The following RPL41 variants were observed in gnomAD, a reference collection of about 807,000 sequenced individuals.
RPL41 encodes the protein ribosomal protein L41.
Under a neutral mutation model 7.3 loss-of-function variants are expected in RPL41, and 3 were observed. The observed-to-expected ratio is 0.41, with a 90% CI of 0.19 to 1.06. The LOEUF (loss-of-function observed/expected upper bound fraction) is 1.06. RPL41 is among the 50% of genes least tolerant of loss of function. RPL41 has a pLI of 0.32. For synonymous variants in RPL41, 9 were observed against 7.4 expected, an observed-to-expected ratio of 1.21 and a Z score of -0.34; for missense variants, 13 against 30.4, an observed-to-expected ratio of 0.43 and a Z score of 1.35.
Position 56,117,467 on chromosome 12 carries a change from G to T in RPL41, c.36-15G>T. The stretch of plus-strand genomic sequence containing the variant: ...CTGGTTTGAGGTGTATTCCATTCCT[G>T]TGTCTGCTTTTCAGGCTGAAGCGCA... On this transcript the variant is annotated splice_polypyrimidine_tract_variant and intron_variant, in intron 2 of 2. Coordinates refer to ENST00000546591, the MANE Select transcript of RPL41 (RefSeq NM_001035267.2). 6.4e-7 allele frequency: 1 copy of T among 1,553,308 alleles called. No homozygotes were observed.
At chr12:56,117,138 CTT>C (rs535158816) in intron 1 of RPL41, 49 bp from the exon 2 acceptor site, 33,097 of 1,349,710 alleles carry the variant, frequency 0.025, no homozygotes, top group Non-Finnish European at 0.026. Flanking sequence ...AGCTTCATCC[CTT>C]TTTTTTTTTT....
intron 2 of RPL41, 24 bp downstream of exon 2, chr12:56,117,235 A>C (rs1398040312): frequency 1.9e-6 from 3 of 1,593,634 alleles, no homozygotes; most frequent in Non-Finnish European, 2.6e-6. Context: ...TTGCCAGCCC[A>C]GGAGGAGGGA....
At position 56,117,804 on chromosome 12, in the gene RPL41, T is replaced by A; in HGVS notation, c.*280T>A. On this transcript the variant is annotated 3_prime_UTR_variant, in exon 3 of 3. Coordinates refer to ENST00000546591, the MANE Select transcript of RPL41 (RefSeq NM_001035267.2). ...AACAACCATATAATAAATCACCTCT[T>A]CCGCTGTTTTAGCTGAAGAATTAAA... The A allele has an allele frequency of 2.2e-6, 1 of 456,454 alleles. No homozygotes were observed. Among genetic ancestry groups the A allele is most frequent in the East Asian group, 4.4e-5 (1 of 22,710 alleles). 28.3% of individuals were successfully genotyped at this position (456,454 alleles called of 1,614,324 possible).
At position 56,116,637 on chromosome 12, in the gene RPL41, C is replaced by A. The variant is rs903002806; in HGVS notation, c.-151C>A. The A allele has an allele frequency of 1.1e-4, 98 of 922,130 alleles. 1 individual carries two copies. In the African/African-American group the frequency reaches 1.5e-3, roughly 14 times the overall value. 57.1% of individuals were successfully genotyped at this position (922,130 alleles called of 1,614,324 possible). On this transcript the variant is annotated 5_prime_UTR_variant, in exon 1 of 3. Transcript: ENST00000546591. ...CGTAGACGGAACTTCGCCTTTCTCT[C>A]GGCCTTAGCGCCATTTTTTTGGGTG...
intron 1 of RPL41, 48 bp from the exon 2 acceptor site, chr12:56,117,138 CTTT>C (rs535158816): frequency 1.3e-3 from 1,812 of 1,410,424 alleles, no homozygotes; most frequent in Admixed American, 1.9e-3. Context: ...AGCTTCATCC[CTTT>C]TTTTTTTTTT....
intron 1 of RPL41, 31 bp from the exon 2 acceptor site, chr12:56,117,158 T>TA (rs765018791): frequency 1.4e-5 from 21 of 1,532,916 alleles, no homozygotes; most frequent in South Asian, 1.3e-4. Context: ...TTTTTTTTTT[T>TA]AATTATCTGC....
chr12:56,117,950 T>C lies in RPL41; in HGVS notation c.*426T>C, dbSNP rs1290866576. The C allele has an allele frequency of 3.5e-6, 1 of 286,414 alleles. No homozygotes were observed. 17.7% of individuals were successfully genotyped at this position (286,414 alleles called of 1,614,324 possible). ...AAGCTATAAAGGCAACAGCCCGGGT[T>C]ACGTGGTGTGGTTTGCATCTCGCTG... On this transcript the variant is annotated 3_prime_UTR_variant, in exon 3 of 3. Transcript: ENST00000546591.
In RPL41 at chr12:56,117,532, G is replaced by C. The variant is rs1458424195; in HGVS notation, c.*8G>C. ...AGGCAGAGGTCCAAGTAAACCGCTAGCTTGTTGCACCGTGGAGGCCACAGG... is the reference window on the plus strand; with the variant it reads ...AGGCAGAGGTCCAAGTAAACCGCTACCTTGTTGCACCGTGGAGGCCACAGG... On this transcript the variant is annotated 3_prime_UTR_variant, in exon 3 of 3. Coordinates refer to ENST00000546591, the MANE Select transcript of RPL41 (RefSeq NM_001035267.2). 6.4e-7 allele frequency: 1 copy of C among 1,550,608 alleles called. No homozygotes were observed. Among genetic ancestry groups the C allele is most frequent in the South Asian group, 1.2e-5 (1 of 84,008 alleles).
At chr12:56,117,060 T>C in intron 1 of RPL41, 129 bp from the exon 2 acceptor site, 1 of 1,340,384 alleles carries the variant, frequency 7.5e-7, no homozygotes. Context: ...CAATCTTTCA[T>C]ACTTCTTGGT....
Position 56,117,266 on chromosome 12 carries a change from G to C in RPL41, c.35+55G>C, listed in dbSNP as rs139239711. ...AGGGAAGTTCCTTGGACAAAACTTA[G>C]GAGAAACATTTGGTTTGGAAATCTT... On this transcript the variant is annotated intron_variant, in intron 2 of 2. Transcript: ENST00000546591. The C allele has an allele frequency of 1.4e-4, 215 of 1,572,914 alleles. No individual in the cohort carries two copies. In the African/African-American group the frequency reaches 2.3e-3, roughly 17 times the overall value.
chr12:56,116,669 T>A lies in RPL41; in HGVS notation c.-119T>A, dbSNP rs938056439. 8 of 1,290,322 alleles carry A rather than the reference T, an allele frequency of 6.2e-6. No homozygotes were observed. In the Admixed American group the frequency reaches 1.4e-4, roughly 22 times the overall value. The allele number at this position is 1,290,322 out of a possible 1,614,324, so 79.9% of individuals were successfully genotyped here. ...AGCGCCATTTTTTTGGGTGAGTGTT[T>A]TTTGGTTCCTGCGTTGGGATTCCGT... On this transcript the variant is annotated 5_prime_UTR_variant, in exon 1 of 3. Coordinates refer to ENST00000546591, the MANE Select transcript of RPL41 (RefSeq NM_001035267.2).
In RPL41 at chr12:56,117,034, ATGTAGT is replaced by A. The variant is rs564311870; in HGVS notation, c.13-151_13-146del. The A allele has an allele frequency of 2.9e-3, 3,395 of 1,178,728 alleles. 7 individuals are homozygous for A. Among genetic ancestry groups the A allele is most frequent in the Non-Finnish European group, 3.8e-3 (3,163 of 843,084 alleles). The allele number at this position is 1,178,728 out of a possible 1,614,324, so 73.0% of individuals were successfully genotyped here. ...TGTTGGGAGGGTGTCCAAGTTACTGATGTAGTTGTTACGACCAATCTTTCATACTTC... is the reference window on the plus strand; with the variant it reads ...TGTTGGGAGGGTGTCCAAGTTACTGATGTTACGACCAATCTTTCATACTTC... On this transcript the variant is annotated intron_variant, in intron 1 of 2. Coordinates refer to ENST00000546591, the MANE Select transcript of RPL41 (RefSeq NM_001035267.2).
chr12:56,116,958 G>A (rs115468839), intron 1 of RPL41, 159 bp downstream of exon 1: 2 of 1,149,944 alleles, frequency 1.7e-6, no homozygotes, highest in Non-Finnish European at 2.6e-6. Context: ...TAGCGGTTAA[G>A]TGCTATGGGT....
Position 56,116,703 on chromosome 12 carries a change from CAT to C in RPL41, c.-83_-82del, listed in dbSNP as rs1555213514. ...CTGCGTTGGGATTCCGTGTACAATC[CAT>C]AGACATCTGACCTCGGCACTTAGCA... On this transcript the variant is annotated 5_prime_UTR_variant, in exon 1 of 3. Coordinates refer to ENST00000546591, the MANE Select transcript of RPL41 (RefSeq NM_001035267.2). 6.6e-7 allele frequency: 1 copy of C among 1,508,020 alleles called. No homozygotes were observed. The highest frequency in any genetic ancestry group is 9.2e-7 in the Non-Finnish European group (1 of 1,083,336). 93.4% of individuals were successfully genotyped at this position (1,508,020 alleles called of 1,614,324 possible). A position where few individuals can be genotyped will look rare whatever the true frequency, so the allele number is the denominator to read the frequency against.
At chr12:56,117,419 T>A in intron 2 of RPL41, 63 bp from the exon 3 acceptor site, 1 of 1,516,740 alleles carries the variant, frequency 6.6e-7, no homozygotes, top group Non-Finnish European at 9.0e-7. Context: ...ACGTTTGATT[T>A]AATGTGGGAG....
chr12:56,117,490 G>T lies in RPL41; in HGVS notation c.44G>T (p.Arg15Leu). ...WRKKRMRRLK[R>L]KRRKMRQRSK ...CTGTGTCTGCTTTTCAGGCTGAAGC[G>T]CAAAAGAAGAAAGATGAGGCAGAGG... Residue 15 changes from arginine (R) to leucine (L), a missense_variant, in exon 3 of 3, where the codon CGC (arginine) becomes CTC (leucine). Transcript: ENST00000546591. The T allele has an allele frequency of 6.4e-7, 1 of 1,553,340 alleles. No homozygotes were observed. The highest frequency in any genetic ancestry group is 8.7e-7 in the Non-Finnish European group (1 of 1,147,882).
In RPL41 at chr12:56,116,637, C is replaced by G. The variant is rs903002806; in HGVS notation, c.-151C>G. The G allele has an allele frequency of 1.1e-6, 1 of 922,012 alleles. No individual in the cohort carries two copies. The highest frequency in any genetic ancestry group is 1.8e-6 in the Non-Finnish European group (1 of 564,868). 57.1% of individuals were successfully genotyped at this position (922,012 alleles called of 1,614,324 possible). A position where few individuals can be genotyped will look rare whatever the true frequency, so the allele number is the denominator to read the frequency against. On this transcript the variant is annotated 5_prime_UTR_variant, in exon 1 of 3. Coordinates refer to ENST00000546591, the MANE Select transcript of RPL41 (RefSeq NM_001035267.2). ...CGTAGACGGAACTTCGCCTTTCTCT[C>G]GGCCTTAGCGCCATTTTTTTGGGTG... is the stretch of plus-strand genomic sequence containing the variant.
intron 2 of RPL41, 129 bp from the exon 3 acceptor site, chr12:56,117,353 C>G (rs932588262): frequency 6.4e-6 from 9 of 1,405,112 alleles, no homozygotes; most frequent in African/African-American, 1.4e-5. Context: ...TTTAACAGAA[C>G]AGAGAACGAT....
In RPL41 at chr12:56,116,768, C is replaced by T. The variant is rs1330926216; in HGVS notation, c.-20C>T. 6.2e-7 allele frequency: 1 copy of T among 1,613,978 alleles called. No homozygotes were observed. The highest frequency in any genetic ancestry group is 2.2e-5 in the East Asian group (1 of 44,894). On this transcript the variant is annotated 5_prime_UTR_variant, in exon 1 of 3. Coordinates refer to ENST00000546591, the MANE Select transcript of RPL41 (RefSeq NM_001035267.2). ...ACTAACTGTAGCCTTTCTCTCTTTCCCTGTAGAAACCTCTGCGCCATGAGA... is the reference window on the plus strand; with the variant it reads ...ACTAACTGTAGCCTTTCTCTCTTTCTCTGTAGAAACCTCTGCGCCATGAGA...
Sources: gnomAD v4.1 joint callset for allele counts on GRCh38, gnomAD v4.1.1 for gene constraint, MANE v1.5 for transcripts, NCBI Gene and HGNC (gene_info 2026-07-23, HGNC 2026-07-21) for gene names.